Variants in STPG1 observed in about 807,000 individuals in gnomAD.
The protein encoded by STPG1 is sperm tail PG-rich repeat containing 1, also known as O(6)-methylguanine-induced apoptosis 2.
Under a neutral mutation model 40.1 loss-of-function variants are expected in STPG1, and 33 were observed. The ratio of observed to expected loss-of-function variants is 0.82; its 90% confidence interval spans 0.62 to 1.10. The LOEUF is 1.10. Ranked by LOEUF, STPG1 falls within the 50% of genes least tolerant of loss-of-function variation. STPG1 has a pLI of 0.00. For synonymous variants in STPG1, 150 were observed against 155.0 expected, an observed-to-expected ratio of 0.97 and a Z score of 0.24; for missense variants, 396 against 415.1, an observed-to-expected ratio of 0.95 and a Z score of 0.40.
At chr1:24,371,821 G>A (rs1414465747) in intron 6 of STPG1, among the ~76,000 whole-genome samples, 1 of 152,214 alleles carries the variant, frequency 6.6e-6, no homozygotes, top group East Asian at 1.9e-4. Context: ...CCAGCCGCCA[G>A]GAAGCTGGGG....
In STPG1 at chr1:24,365,233, CTGTGACAAGACAGCG is replaced by C. The variant is rs1323765770; in HGVS notation, c.738-4207_738-4193del. Among the ~76,000 whole-genome samples, 30 of 152,316 alleles carry C rather than the reference CTGTGACAAGACAGCG, an allele frequency of 2.0e-4. No individual in the cohort carries two copies. The South Asian group carries it at 6.0e-3, about 30-fold the overall frequency. On this transcript the variant is annotated intron_variant, in intron 7 of 8. Coordinates refer to ENST00000337248, the MANE Select transcript of STPG1 (RefSeq NM_001199013.2). The stretch of plus-strand genomic sequence containing the variant: ...ACGGGGCTTGATTTTTCAGCTCTAG[CTGTGACAAGACAGCG>C]TGTCTGTGCAAATCCAGTGGCTTAA...
chr1:24,406,539 T>C (rs1233410448), intron 1 of STPG1, among the ~76,000 whole-genome samples: 1 of 152,180 alleles, frequency 6.6e-6, no homozygotes, highest in Non-Finnish European at 1.5e-5. Flanking sequence ...TAACTTTTCA[T>C]GCAGTGCAGG....
rs1640798133 is a variant in STPG1, at chr1:24,357,437, CT to C, written c.*1105del. On this transcript the variant is annotated 3_prime_UTR_variant, in exon 9 of 9. Coordinates refer to ENST00000337248, the MANE Select transcript of STPG1 (RefSeq NM_001199013.2). ...CCTATCATTGGAATCACCTGGGTGGCTCCTGCCTCCCCACTGCCCAGACCCC... is the reference window on the plus strand; with the variant it reads ...CCTATCATTGGAATCACCTGGGTGGCCCTGCCTCCCCACTGCCCAGACCCC... 1 of 152,548 alleles carries C rather than the reference CT, an allele frequency of 6.6e-6. No individual in the cohort carries two copies. The highest frequency in any genetic ancestry group is 2.4e-5 in the African/African-American group (1 of 41,432). 9.4% of individuals were successfully genotyped at this position (152,548 alleles called of 1,614,324 possible). A position where few individuals can be genotyped will look rare whatever the true frequency, so the allele number is the denominator to read the frequency against.
intron 7 of STPG1, among the ~76,000 whole-genome samples, chr1:24,366,070 G>A (rs937071083): frequency 5.3e-5 from 8 of 152,186 alleles, no homozygotes; most frequent in African/African-American, 1.9e-4. Context: ...TATCTGCACT[G>A]ATGCTTCCTG....
At chr1:24,392,685 C>A (rs1642827361) in intron 2 of STPG1, among the ~76,000 whole-genome samples, 1 of 152,154 alleles carries the variant, frequency 6.6e-6, no homozygotes, top group Non-Finnish European at 1.5e-5. Context: ...GGGTGATAAG[C>A]CTTTTCCTAC....
intron 3 of STPG1, among the ~76,000 whole-genome samples, chr1:24,387,244 C>A (rs547820627): frequency 1.3e-5 from 2 of 152,332 alleles, no homozygotes; most frequent in Admixed American, 1.3e-4. Context: ...TAGCAGCTCA[C>A]AGGGTTTAGG....
chr1:24,362,578 C>G lies in STPG1; in HGVS notation c.738-1537G>C, dbSNP rs116833624. Among the ~76,000 whole-genome samples the G allele has an allele frequency of 9.4e-3, 1,435 of 152,334 alleles. 5 individuals are homozygous for G. The highest frequency in any genetic ancestry group is 0.016 in the Non-Finnish European group (1,088 of 68,024). On this transcript the variant is annotated intron_variant, in intron 7 of 8. Coordinates refer to ENST00000337248, the MANE Select transcript of STPG1 (RefSeq NM_001199013.2). ...AAGGTATGTAAAGCACCTAGTAGAG[C>G]ACCAGCACATAGTAGGTGCTCAATA...
intron 1 of STPG1, among the ~76,000 whole-genome samples, chr1:24,404,177 C>A (rs1482045323): frequency 6.6e-6 from 1 of 152,080 alleles, no homozygotes; most frequent in Non-Finnish European, 1.5e-5. Context: ...TTTTCCGCAT[C>A]TATGGAGATG....
chr1:24,382,917 C>CTTTTTTTTT (rs56972835), intron 4 of STPG1, among the ~76,000 whole-genome samples: 3,001 of 133,360 alleles, frequency 0.023, 280 homozygotes, highest in African/African-American at 0.083. Context: ...TTTCTTTTCA[C>CTTTTTTTTT]TTTTTTTTTT....
At chr1:24,385,359 G>A (rs540098885) in intron 3 of STPG1, among the ~76,000 whole-genome samples, 1 of 152,292 alleles carries the variant, frequency 6.6e-6, no homozygotes, top group East Asian at 1.9e-4. Flanking sequence ...GACGGAAGAG[G>A]AACTGACTGC....
intron 7 of STPG1, chr1:24,368,896 G>A (rs1641596487): frequency 6.2e-6 from 1 of 160,044 alleles, no homozygotes; most frequent in Admixed American, 6.0e-5. Context: ...GTAGAGACAG[G>A]GTTTCACCAT....
At chr1:24,373,435 G>T (rs1218158688) in intron 6 of STPG1, among the ~76,000 whole-genome samples, 1 of 152,184 alleles carries the variant, frequency 6.6e-6, no homozygotes, top group Non-Finnish European at 1.5e-5. Context: ...TTCTCCACTT[G>T]GCTGCCCAGA....
chr1:24,370,317 CTTT>C (rs10679997), intron 6 of STPG1, among the ~76,000 whole-genome samples: 6 of 137,090 alleles, frequency 4.4e-5, no homozygotes, highest in African/African-American at 2.7e-5. Context: ...CAACAACTAT[CTTT>C]TTTTTTTTTT....
At chr1:24,389,924 T>C (rs1409171362) in intron 3 of STPG1, among the ~76,000 whole-genome samples, 1 of 152,242 alleles carries the variant, frequency 6.6e-6, no homozygotes, top group Non-Finnish European at 1.5e-5. Flanking sequence ...TTTGCTTTCT[T>C]AGAATCCTAA....
intron 7 of STPG1, among the ~76,000 whole-genome samples, chr1:24,361,798 G>A (rs1277711706): frequency 6.6e-6 from 1 of 152,090 alleles, no homozygotes; most frequent in Non-Finnish European, 1.5e-5. Context: ...ACCTGTACTT[G>A]AGTCCTAGCT....
Position 24,379,801 on chromosome 1 carries a change from A to G in STPG1, c.314T>C (p.Ile105Thr). 2 of 1,614,100 alleles carry G rather than the reference A, an allele frequency of 1.2e-6. No individual in the cohort carries two copies. The highest frequency in any genetic ancestry group is 1.7e-6 in the Non-Finnish European group (2 of 1,179,930). The change falls in exon 5 of 9, where the codon ATT becomes ACT. Residue 105 changes from isoleucine to threonine, a missense_variant. Physicochemically the swap from Ile to Thr is moderately conservative, Grantham distance 89. Coordinates refer to ENST00000337248, the MANE Select transcript of STPG1 (RefSeq NM_001199013.2). ...PSMCARLDTI[I>T]SKYPAANAYT... Reference sequence around the variant, plus strand: ...TGCATTCGCTGCAGGGTATTTAGAAATGATGGTGTCCAATCGGGCGCACTG... The same window carrying G: ...TGCATTCGCTGCAGGGTATTTAGAAGTGATGGTGTCCAATCGGGCGCACTG...
chr1:24,414,455 C>A (rs1643919208), upstream of STPG1: 1 of 150,146 alleles, frequency 6.7e-6, no homozygotes. Context: ...CAGGGCAGGG[C>A]GGTCTCAGCG....
rs1423306821 is a variant in STPG1 at position 24,399,682 on chromosome 1, A to G, written c.70+1637T>C. Among the ~76,000 whole-genome samples, 1 of 152,136 alleles carries G rather than the reference A, an allele frequency of 6.6e-6. No individual in the cohort carries two copies. The highest frequency in any genetic ancestry group is 1.9e-4 in the East Asian group (1 of 5,192). ...AATAAAGAATCCCTATAAATAAGAAAAGGACAGAATGGTTTAAAGAACTCC... is the reference window on the plus strand; with the variant it reads ...AATAAAGAATCCCTATAAATAAGAAGAGGACAGAATGGTTTAAAGAACTCC... On this transcript the variant is annotated intron_variant, in intron 2 of 8. Transcript: ENST00000337248. The surrounding 1 kb of genome is among the most constrained non-coding windows in gnomAD (Gnocchi z 4.0).
At chr1:24,401,784 T>C (rs1387858338) in intron 1 of STPG1, among the ~76,000 whole-genome samples, 1 of 152,118 alleles carries the variant, frequency 6.6e-6, no homozygotes, top group Admixed American at 6.6e-5. Context: ...CCGCTGCCCC[T>C]GCCTGGGTTC....
Sources: gnomAD v4.1 joint callset for allele counts (sites outside exome capture counted in the v4.1 genomes callset) on GRCh38, gnomAD v4.1.1 for gene constraint, Gnocchi (gnomAD v3.1) non-coding constraint, MANE v1.5 for transcripts, NCBI Gene and HGNC (gene_info 2026-07-23, HGNC 2026-07-21) for gene names.